RABEP1: variants seen among roughly 807,000 people sequenced by gnomAD.
RABEP1 encodes rab GTPase-binding effector protein 1.
In RABEP1, 51 loss-of-function variants were observed where a neutral mutation model predicts 123.4. That is an observed-to-expected ratio of 0.41 (90% confidence interval 0.33 to 0.52). The LOEUF is 0.52. Ranked by LOEUF, RABEP1 falls within the 20% of genes least tolerant of loss-of-function variation. The pLI is 0.16. For synonymous variants in RABEP1, 347 were observed against 355.2 expected, an observed-to-expected ratio of 0.98 and a Z score of 0.26; for missense variants, 888 against 996.3, an observed-to-expected ratio of 0.89 and a Z score of 1.46.
At chr17:5,323,696 C>A (rs867117235) in intron 2 of RABEP1, among the ~76,000 whole-genome samples, 3,000 of 101,678 alleles carry the variant, frequency 0.03, 613 homozygotes, top group East Asian at 0.046. Context: ...ATATATCTCT[C>A]TCTAGGAATA....
chr17:5,304,211 A>G (rs1387245485), intron 1 of RABEP1, among the ~76,000 whole-genome samples: 2 of 151,634 alleles, frequency 1.3e-5, no homozygotes, highest in Non-Finnish European at 2.9e-5. Context: ...TTCGTTTTGT[A>G]TTGCTGTTGC....
intron 4 of RABEP1, among the ~76,000 whole-genome samples, chr17:5,337,174 G>A (rs1907172751): frequency 6.6e-6 from 1 of 152,186 alleles, no homozygotes. Flanking sequence ...ATAGTTTTAA[G>A]GGGTCACTCT....
At chr17:5,352,160 T>G (rs1908611881) in intron 7 of RABEP1, among the ~76,000 whole-genome samples, 2 of 152,132 alleles carry the variant, frequency 1.3e-5, no homozygotes, top group African/African-American at 4.8e-5. Context: ...GACTCATTCG[T>G]CTTGTGTGTA....
intron 1 of RABEP1, among the ~76,000 whole-genome samples, chr17:5,305,418 G>C (rs1290812536): frequency 6.6e-6 from 1 of 152,172 alleles, no homozygotes; most frequent in Non-Finnish European, 1.5e-5. Flanking sequence ...CCATGAAGGG[G>C]TTGGGAGTAA....
chr17:5,310,136 G>T (rs1302264317), intron 2 of RABEP1, among the ~76,000 whole-genome samples: 1 of 152,076 alleles, frequency 6.6e-6, no homozygotes, highest in African/African-American at 2.4e-5. Context: ...TCCTGTTCTG[G>T]ACTAGTGATC....
rs954246007 is a variant in RABEP1 at position 5,282,371 on chromosome 17, T to G, written c.-116T>G. Reference sequence around the variant, plus strand: ...CGGCGGATCCAGCCTTAGCGGTTTCTCTCTGGGCGGCGGCGGCGGCGGCTC... The same window carrying G: ...CGGCGGATCCAGCCTTAGCGGTTTCGCTCTGGGCGGCGGCGGCGGCGGCTC... On this transcript the variant is annotated 5_prime_UTR_variant, in exon 1 of 18. Coordinates refer to ENST00000537505, the MANE Select transcript of RABEP1 (RefSeq NM_004703.6). 1.1e-6 allele frequency: 1 copy of G among 876,166 alleles called. No homozygotes were observed. The highest frequency in any genetic ancestry group is 1.6e-6 in the Non-Finnish European group (1 of 644,884). The allele number at this position is 876,166 out of a possible 1,614,324, so 54.3% of individuals were successfully genotyped here.
At chr17:5,371,437 A>AT (rs1311742189) in intron 12 of RABEP1, 1 of 152,104 alleles carries the variant, frequency 6.6e-6, no homozygotes, top group Non-Finnish European at 1.5e-5. Flanking sequence ...ATTTTAATTT[A>AT]TTTTTGGCTT....
chr17:5,361,623 C>T lies in RABEP1; in HGVS notation c.1511C>T (p.Pro504Leu). ...TQGMESAYVS[P>L]SGYRLVSETE... ...GGCATGGAGAGTGCCTATGTGTCCC[C>T]TAGTGGTTATCGTTTAGTTAGTGAA... Residue 504 changes from proline to leucine, a missense_variant, in exon 9 of 18, where the codon CCT (proline) becomes CTT (leucine). By Grantham distance (98) the Pro-to-Leu change is moderately conservative. Coordinates refer to ENST00000537505, the MANE Select transcript of RABEP1 (RefSeq NM_004703.6). 1.2e-6 allele frequency: 2 copies of T among 1,612,266 alleles called. No individual in the cohort carries two copies. The highest frequency in any genetic ancestry group is 1.7e-6 in the Non-Finnish European group (2 of 1,179,430).
At chr17:5,314,964 C>T (rs968844227) in intron 2 of RABEP1, among the ~76,000 whole-genome samples, 3 of 152,078 alleles carry the variant, frequency 2.0e-5, no homozygotes, top group East Asian at 1.9e-4. Flanking sequence ...GAGACGGTTA[C>T]GTGAAACACA....
At chr17:5,364,200 A>G (rs1167376485) in intron 10 of RABEP1, 1 of 152,246 alleles carries the variant, frequency 6.6e-6, no homozygotes, top group Non-Finnish European at 1.5e-5. Flanking sequence ...ACATTTCAGT[A>G]GACTGTTTTA....
chr17:5,346,541 C>G (rs1323303315), intron 5 of RABEP1, among the ~76,000 whole-genome samples: 1 of 152,106 alleles, frequency 6.6e-6, no homozygotes, highest in Non-Finnish European at 1.5e-5. Flanking sequence ...AAGCAAGGGA[C>G]AAAGCTGTTA....
At chr17:5,312,536 G>A (rs1048325799) in intron 2 of RABEP1, among the ~76,000 whole-genome samples, 1 of 152,136 alleles carries the variant, frequency 6.6e-6, no homozygotes, top group Non-Finnish European at 1.5e-5. Flanking sequence ...GTAGAATTTA[G>A]CCCTGGCTTG....
Position 5,361,633 on chromosome 17 carries a change from T to C in RABEP1, c.1521T>C (p.Tyr507=), listed in dbSNP as rs758035608. The C allele has an allele frequency of 6.2e-7, 1 of 1,609,712 alleles. No homozygotes were observed. Among genetic ancestry groups the C allele is most frequent in the Non-Finnish European group, 8.5e-7 (1 of 1,178,786 alleles). ...GTGCCTATGTGTCCCCTAGTGGTTA[T>C]CGTTTAGTTAGTGAAACAGAATGGA... is the stretch of plus-strand genomic sequence containing the variant. The part of the protein sequence containing the change: ...MESAYVSPSG[Y]RLVSETEWNL... Residue 507 remains tyrosine, a synonymous_variant, in exon 9 of 18, where the codon TAT becomes TAC. Coordinates refer to ENST00000537505, the MANE Select transcript of RABEP1 (RefSeq NM_004703.6).
chr17:5,373,659 G>A (rs1409113119), intron 13 of RABEP1, among the ~76,000 whole-genome samples: 2 of 146,746 alleles, frequency 1.4e-5, no homozygotes, highest in Non-Finnish European at 1.5e-5. Context: ...ATCACCTCAA[G>A]TAGTAACTCC....
chr17:5,299,094 C>T (rs530777487), intron 1 of RABEP1, among the ~76,000 whole-genome samples: 8 of 152,220 alleles, frequency 5.3e-5, no homozygotes, highest in Non-Finnish European at 1.0e-4. Context: ...TCACATATTC[C>T]CCAGTTGTCG....
At chr17:5,289,654 A>G (rs1027850479) in intron 1 of RABEP1, among the ~76,000 whole-genome samples, 3 of 152,176 alleles carry the variant, frequency 2.0e-5, no homozygotes, top group African/African-American at 7.2e-5. Context: ...AGAAAACCCT[A>G]AAGAATACAA....
chr17:5,382,283 T>C (rs1911539757), intron 17 of RABEP1, among the ~76,000 whole-genome samples: 1 of 151,072 alleles, frequency 6.6e-6, no homozygotes, highest in African/African-American at 2.4e-5. Context: ...GGTTTCACCA[T>C]GTTGGTCAGG....
rs747954313 is a variant in RABEP1 at position 5,373,364 on chromosome 17, A to G, written c.1935A>G (p.Leu645=). 4 of 1,613,366 alleles carry G rather than the reference A, an allele frequency of 2.5e-6. No individual in the cohort carries two copies. In the East Asian group the frequency reaches 6.7e-5, roughly 27 times the overall value. The change falls in exon 13 of 18, where the codon TTA becomes TTG. Residue 645 remains leucine (L), a synonymous_variant. Transcript: ENST00000537505. ...REQVSEELVR[L]QKDNDSLQGK... ...AGGTTTCAGAAGAGCTGGTGAGGTT[A>G]CAGAAAGATAATGACAGTCTCCAGG... is the stretch of plus-strand genomic sequence containing the variant.
At chr17:5,295,936 G>T (rs1231627132) in intron 1 of RABEP1, among the ~76,000 whole-genome samples, 1 of 152,036 alleles carries the variant, frequency 6.6e-6, no homozygotes, top group Non-Finnish European at 1.5e-5. Flanking sequence ...TACATTTGTT[G>T]GGTTCTCTAC....
Sources: allele counts gnomAD v4.1 joint callset (sites outside exome capture counted in the v4.1 genomes callset), GRCh38; gene constraint gnomAD v4.1.1; transcripts MANE v1.5; gene names NCBI Gene and HGNC (gene_info 2026-07-23, HGNC 2026-07-21).